PLAAT5: variants seen among roughly 807,000 people sequenced by gnomAD.
PLAAT5 encodes phospholipase A and acyltransferase 5, also known as Ca(2+)-independent N-acyltransferase.
In PLAAT5, 27 loss-of-function variants were observed where a neutral mutation model predicts 27.8. That is an observed-to-expected ratio of 0.97 (90% CI 0.72 to 1.34). The LOEUF (loss-of-function observed/expected upper bound fraction) is 1.34, where lower values mean the gene tolerates loss of function less well. Ranked by LOEUF, PLAAT5 falls within the 40% of genes most tolerant of loss-of-function variation. PLAAT5 has a pLI of 0.00. For synonymous variants in PLAAT5, 125 were observed against 136.1 expected (o/e 0.92, Z 0.57); for missense variants, 368 against 343.8 (o/e 1.07, Z -0.56).
chr11:63,463,365 G>A lies in PLAAT5; in HGVS notation c.*138C>T. ...TATATATTGGATGTATTTCTGGAAG[G>A]GTAATTGGATACATTGTAGATTCTT... On this transcript the variant is annotated 3_prime_UTR_variant, in exon 6 of 6. Transcript: ENST00000540857. 2.8e-6 allele frequency: 2 copies of A among 711,770 alleles called. No individual in the cohort carries two copies. The highest frequency in any genetic ancestry group is 1.9e-5 in the Admixed American group (1 of 51,562). 44.1% of individuals were successfully genotyped at this position (711,770 alleles called of 1,614,324 possible).
intron 2 of PLAAT5, 102 bp from the exon 3 acceptor site, chr11:63,489,078 G>T: frequency 1.3e-6 from 1 of 750,320 alleles, no homozygotes; most frequent in East Asian, 2.7e-5. Flanking sequence ...CTTTTGGTTT[G>T]GAGACTGTAG....
In PLAAT5 at chr11:63,468,468, A is replaced by G; in HGVS notation, c.346-3T>C. 1.2e-6 allele frequency: 2 copies of G among 1,608,674 alleles called. No homozygotes were observed. Among genetic ancestry groups the G allele is most frequent in the East Asian group, 2.2e-5 (1 of 44,850 alleles). On this transcript the variant is annotated splice_region_variant and splice_polypyrimidine_tract_variant and intron_variant, in intron 3 of 5. Coordinates refer to ENST00000540857, the MANE Select transcript of PLAAT5 (RefSeq NM_001146729.2). ...CCAGGTCTGGGTCTTGGTTTTCCCTATAATGGAAAAATAAAAGATAAATGG... is the reference window on the plus strand; with the variant it reads ...CCAGGTCTGGGTCTTGGTTTTCCCTGTAATGGAAAAATAAAAGATAAATGG...
At position 63,462,801 on chromosome 11, in the gene PLAAT5, C is replaced by T. The variant is rs1322232687; in HGVS notation, c.*702G>A. ...ATTATTTTAAATATTCATCTGAAAT[C>T]AGTGAGACTAGAAACTTCACATTTT... is the stretch of plus-strand genomic sequence containing the variant. On this transcript the variant is annotated 3_prime_UTR_variant, in exon 6 of 6. Transcript: ENST00000540857. 6.6e-6 allele frequency: 1 copy of T among 152,114 alleles called. No homozygotes were observed. Among genetic ancestry groups the T allele is most frequent in the African/African-American group, 2.4e-5 (1 of 41,436 alleles). 9.4% of individuals were successfully genotyped at this position (152,114 alleles called of 1,614,324 possible). A position where few individuals can be genotyped will look rare whatever the true frequency, so the allele number is the denominator to read the frequency against.
At chr11:63,486,351 A>G (rs1254088759) in intron 3 of PLAAT5, among the ~76,000 whole-genome samples, 1 of 152,200 alleles carries the variant, frequency 6.6e-6, no homozygotes, top group Non-Finnish European at 1.5e-5. Flanking sequence ...TAGCAGCACA[A>G]TTCACAACTG....
chr11:63,490,507 C>A, intron 1 of PLAAT5, 174 bp from the exon 2 acceptor site: 1 of 996,046 alleles, frequency 1.0e-6, no homozygotes, highest in Non-Finnish European at 1.5e-6. Flanking sequence ...GGTGCTGGAG[C>A]GGGTTCAGTT....
intron 3 of PLAAT5, chr11:63,470,915 T>C (rs1158245926): frequency 2.0e-5 from 3 of 152,130 alleles, no homozygotes; most frequent in African/African-American, 7.2e-5. Flanking sequence ...AAGAAAAACA[T>C]TACATATATA....
intron 3 of PLAAT5, among the ~76,000 whole-genome samples, chr11:63,479,419 G>A (rs2016230879): frequency 6.6e-6 from 1 of 152,222 alleles, no homozygotes; most frequent in Non-Finnish European, 1.5e-5. Flanking sequence ...AAAGTCTGAA[G>A]TTTAAATATT....
intron 3 of PLAAT5, among the ~76,000 whole-genome samples, chr11:63,469,137 T>TGA (rs1470611864): frequency 2.0e-5 from 3 of 146,738 alleles, no homozygotes; most frequent in African/African-American, 8.1e-5. Context: ...TGTGTGTGTG[T>TGA]GTGTGTGTGA....
chr11:63,473,537 G>C (rs1309935116), intron 3 of PLAAT5, among the ~76,000 whole-genome samples: 1 of 152,034 alleles, frequency 6.6e-6, no homozygotes, highest in African/African-American at 2.4e-5. Flanking sequence ...TACATACATT[G>C]AATTTTTCAT....
intron 3 of PLAAT5, among the ~76,000 whole-genome samples, chr11:63,476,894 A>G (rs993710863): frequency 6.6e-6 from 1 of 151,840 alleles, no homozygotes; most frequent in African/African-American, 2.4e-5. Flanking sequence ...CCTACTCTTC[A>G]TACTAGGTAG....
intron 2 of PLAAT5, among the ~76,000 whole-genome samples, chr11:63,489,188 G>C (rs1450159847): frequency 6.6e-6 from 1 of 152,170 alleles, no homozygotes; most frequent in Non-Finnish European, 1.5e-5. Flanking sequence ...GCTAATGATA[G>C]CAAGAAGCAG....
At position 63,468,423 on chromosome 11, in the gene PLAAT5, G is replaced by GA. The variant is rs759381071; in HGVS notation, c.387dup (p.Arg130SerfsTer5). 5.0e-6 allele frequency: 8 copies of GA among 1,613,976 alleles called. No individual in the cohort carries two copies. The highest frequency in any genetic ancestry group is 1.7e-5 in the Admixed American group (1 of 59,984). ...ATGGCCCAGTGCTCATAGCCAATTCGAAAAATCTCAATCAGGTCTCCAGGT... is the reference window on the plus strand; with the variant it reads ...ATGGCCCAGTGCTCATAGCCAATTCGAAAAAATCTCAATCAGGTCTCCAGGT... On this transcript the variant is annotated frameshift_variant, in exon 4 of 6. Coordinates refer to ENST00000540857, the MANE Select transcript of PLAAT5 (RefSeq NM_001146729.2). LOFTEE classifies it high-confidence loss of function.
rs187693310 is a variant in PLAAT5 at position 63,485,753 on chromosome 11, A to T, written c.345+3118T>A. Among the ~76,000 whole-genome samples the T allele has an allele frequency of 6.6e-5, 10 of 152,354 alleles. No individual in the cohort carries two copies. In the East Asian group the frequency reaches 1.7e-3, roughly 26 times the overall value. ...GATCAAGAACCCAAAAGCAAATGCA[A>T]CATAAACAAAGATAAATAGATGGGA... is the stretch of plus-strand genomic sequence containing the variant. On this transcript the variant is annotated intron_variant, in intron 3 of 5. Coordinates refer to ENST00000540857, the MANE Select transcript of PLAAT5 (RefSeq NM_001146729.2).
intron 3 of PLAAT5, among the ~76,000 whole-genome samples, chr11:63,474,313 G>A (rs2016102588): frequency 6.6e-6 from 1 of 152,140 alleles, no homozygotes; most frequent in Admixed American, 6.5e-5. Flanking sequence ...GAATTCTTGA[G>A]CAAAGCCATC....
At chr11:63,481,136 T>A (rs2016274285) in intron 3 of PLAAT5, among the ~76,000 whole-genome samples, 1 of 152,230 alleles carries the variant, frequency 6.6e-6, no homozygotes, top group South Asian at 2.1e-4. Flanking sequence ...TCTCCTTGAA[T>A]AGCTTAATAA....
chr11:63,474,533 T>C (rs1270690716), intron 3 of PLAAT5, among the ~76,000 whole-genome samples: 2 of 152,154 alleles, frequency 1.3e-5, no homozygotes, highest in African/African-American at 4.8e-5. Flanking sequence ...ATTCCCAGTT[T>C]TGGCAATTTG....
intron 3 of PLAAT5, among the ~76,000 whole-genome samples, chr11:63,476,608 TA>T (rs2016157769): frequency 6.6e-6 from 1 of 152,204 alleles, no homozygotes; most frequent in Admixed American, 6.5e-5. Context: ...TTGTATACAA[TA>T]AGTCTTTTTT....
intron 1 of PLAAT5, 140 bp from the exon 2 acceptor site, chr11:63,490,473 T>A (rs1041911667): frequency 7.4e-7 from 1 of 1,358,612 alleles, no homozygotes; most frequent in Non-Finnish European, 1.0e-6. Flanking sequence ...AATCTTGGGA[T>A]GAATGGAGAG....
At chr11:63,483,847 A>G (rs2016369664) in intron 3 of PLAAT5, among the ~76,000 whole-genome samples, 1 of 126,148 alleles carries the variant, frequency 7.9e-6, no homozygotes, top group African/African-American at 2.8e-5. Flanking sequence ...ATATATACAC[A>G]TATATATATA....
Sources: gnomAD v4.1 joint callset for allele counts (sites outside exome capture counted in the v4.1 genomes callset) on GRCh38, gnomAD v4.1.1 for gene constraint, MANE v1.5 for transcripts, NCBI Gene and HGNC (gene_info 2026-07-23, HGNC 2026-07-21) for gene names.